Variants in EIF4G3 observed in about 807,000 individuals in gnomAD.
EIF4G3 encodes eIF-4-gamma 3.
A neutral mutation model predicts 186.4 loss-of-function variants in EIF4G3; 34 were observed. That is an observed-to-expected ratio of 0.18 (90% CI 0.14 to 0.24). The LOEUF is 0.24. Ranked by LOEUF, EIF4G3 falls within the 10% of genes least tolerant of loss-of-function variation. The pLI is 1.00. For synonymous variants in EIF4G3, 673 were observed against 679.5 expected (o/e 0.99, Z 0.15); for missense variants, 1,536 against 1,948.5 (o/e 0.79, Z 3.99).
intron 2 of EIF4G3, among the ~76,000 whole-genome samples, chr1:21,158,075 T>C (rs898741828): frequency 1.3e-5 from 2 of 152,040 alleles, no homozygotes; most frequent in African/African-American, 4.8e-5. Flanking sequence ...GGTGCCCTTA[T>C]GAACTGACCA....
intron 14 of EIF4G3, among the ~76,000 whole-genome samples, chr1:20,919,599 G>T (rs1184986366): frequency 1.3e-5 from 2 of 152,062 alleles, no homozygotes; most frequent in Admixed American, 1.3e-4. Context: ...AATAATCAAA[G>T]AAAATATCCA....
In EIF4G3 at chr1:21,125,771, TAC is replaced by T. The variant is rs59291288; in HGVS notation, c.-271-36560_-271-36559del. ...TATATATAATTTTTTTATATATATA[TAC>T]ACACACACACACACACACACACACA... On this transcript the variant is annotated intron_variant, in intron 2 of 36. Coordinates refer to ENST00000602326, the MANE Select transcript of EIF4G3 (RefSeq NM_001391906.1). Among the ~76,000 whole-genome samples the T allele has an allele frequency of 9.0e-3, 1,316 of 146,164 alleles. 24 individuals carry two copies. Among genetic ancestry groups the T allele is most frequent in the African/African-American group, 0.031 (1,223 of 39,622 alleles).
chr1:20,847,821 C>T (rs2071675874), intron 29 of EIF4G3: 2 of 471,666 alleles, frequency 4.2e-6, no homozygotes, highest in Admixed American at 4.7e-5. Flanking sequence ...CCTCACTCAT[C>T]ATCAAAAACT....
chr1:21,096,121 T>C (rs547903652), intron 2 of EIF4G3, among the ~76,000 whole-genome samples: 6 of 152,154 alleles, frequency 3.9e-5, no homozygotes, highest in South Asian at 2.1e-4. Context: ...CCTTGCACAA[T>C]AGCAAAAATA....
intron 4 of EIF4G3, among the ~76,000 whole-genome samples, chr1:21,036,199 G>A (rs1047857915): frequency 6.6e-6 from 1 of 152,032 alleles, no homozygotes; most frequent in African/African-American, 2.4e-5. Flanking sequence ...GCTGACGAGA[G>A]GAGCCACCCA....
At chr1:20,858,538 T>G (rs1355484201) in intron 24 of EIF4G3, among the ~76,000 whole-genome samples, 2 of 152,218 alleles carry the variant, frequency 1.3e-5, no homozygotes, top group Non-Finnish European at 2.9e-5. Flanking sequence ...TTGCACTCCC[T>G]AGTCCCTTCT....
intron 2 of EIF4G3, among the ~76,000 whole-genome samples, chr1:21,120,638 AT>A (rs1398973999): frequency 2.0e-5 from 3 of 151,620 alleles, no homozygotes; most frequent in Non-Finnish European, 2.9e-5. Context: ...AAAAAAAAAA[AT>A]CTAACATACT....
chr1:20,949,988 C>G lies in EIF4G3; in HGVS notation c.823+15G>C. 1 of 1,602,976 alleles carries G rather than the reference C, an allele frequency of 6.2e-7. No individual in the cohort carries two copies. On this transcript the variant is annotated intron_variant, in intron 13 of 36. Coordinates refer to ENST00000602326, the MANE Select transcript of EIF4G3 (RefSeq NM_001391906.1). ...AGACTAAAGATAAGAGGGAGGAAAA[C>G]AGTCATACACAAACCTTGCTTCTGG...
chr1:20,949,955 TA>T, intron 13 of EIF4G3, 47 bp downstream of exon 13: 1 of 1,486,792 alleles, frequency 6.7e-7, no homozygotes, highest in Non-Finnish European at 9.3e-7. Context: ...ATGTAATTAA[TA>T]AAAAAGAGAC....
At chr1:20,896,982 A>T (rs992163504) in intron 16 of EIF4G3, among the ~76,000 whole-genome samples, 10 of 152,200 alleles carry the variant, frequency 6.6e-5, no homozygotes, top group African/African-American at 2.4e-4. Flanking sequence ...TTTTGTTTGC[A>T]CAAGGAAGAA....
chr1:20,954,320 G>A (rs1362406152), intron 12 of EIF4G3, among the ~76,000 whole-genome samples: 1 of 151,836 alleles, frequency 6.6e-6, no homozygotes, highest in African/African-American at 2.4e-5. Flanking sequence ...GGTGGATCAC[G>A]ACGTTAAGAG....
chr1:20,924,266 C>T (rs553397874), intron 14 of EIF4G3, among the ~76,000 whole-genome samples: 1 of 152,218 alleles, frequency 6.6e-6, no homozygotes, highest in South Asian at 2.1e-4. Context: ...ACTTTATCTG[C>T]TGATATGTTT....
intron 29 of EIF4G3, among the ~76,000 whole-genome samples, chr1:20,847,394 GC>G (rs992391586): frequency 6.6e-6 from 1 of 152,070 alleles, no homozygotes; most frequent in African/African-American, 2.4e-5. Context: ...TGCAAGCCTG[GC>G]CCAGGGCTCA....
At chr1:21,060,708 A>C (rs1289738536) in intron 3 of EIF4G3, among the ~76,000 whole-genome samples, 1 of 149,544 alleles carries the variant, frequency 6.7e-6, no homozygotes, top group African/African-American at 2.5e-5. Context: ...TCGGCGCTGT[A>C]AGGCACCATG....
intron 2 of EIF4G3, among the ~76,000 whole-genome samples, chr1:21,166,605 A>T (rs574118241): frequency 1.3e-5 from 2 of 152,134 alleles, no homozygotes; most frequent in South Asian, 2.1e-4. Flanking sequence ...GTGCACCTGT[A>T]ATCCCCAGCT....
chr1:21,030,940 A>G (rs1034316455), intron 4 of EIF4G3, among the ~76,000 whole-genome samples: 1 of 152,064 alleles, frequency 6.6e-6, no homozygotes, highest in Non-Finnish European at 1.5e-5. Flanking sequence ...AATCCCAGCA[A>G]TTTGGGAGGC....
At chr1:21,041,653 GA>G (rs2093588080) in intron 4 of EIF4G3, among the ~76,000 whole-genome samples, 1 of 152,192 alleles carries the variant, frequency 6.6e-6, no homozygotes, top group Non-Finnish European at 1.5e-5. Context: ...GCAGTGAAGA[GA>G]AATGGAAATA....
At chr1:20,870,736 T>C (rs2078951175) in intron 20 of EIF4G3, among the ~76,000 whole-genome samples, 1 of 152,244 alleles carries the variant, frequency 6.6e-6, no homozygotes, top group Non-Finnish European at 1.5e-5. Flanking sequence ...ACCTGCCACT[T>C]AATTCAGATG....
chr1:20,914,758 A>T (rs1019527491), intron 14 of EIF4G3, among the ~76,000 whole-genome samples: 4 of 152,182 alleles, frequency 2.6e-5, no homozygotes, highest in Non-Finnish European at 4.4e-5. Flanking sequence ...TTCTAAACAT[A>T]TGGGGGATTT....
Sources: gnomAD v4.1 joint callset for allele counts (sites outside exome capture counted in the v4.1 genomes callset) on GRCh38, gnomAD v4.1.1 for gene constraint, MANE v1.5 for transcripts, NCBI Gene and HGNC (gene_info 2026-07-23, HGNC 2026-07-21) for gene names.